The following LMAN1L variants were observed in gnomAD, a reference collection of about 807,000 sequenced individuals.
LMAN1L encodes protein ERGIC-53-like.
In LMAN1L, 60 loss-of-function variants were observed where a neutral mutation model predicts 58.3. That is an observed-to-expected ratio of 1.03 (90% CI 0.84 to 1.27). The LOEUF is 1.27. Among genes scored for constraint, LMAN1L ranks in the 50% most tolerant of loss-of-function variants. The pLI is 0.00. For missense variants in LMAN1L, 629 were observed against 674.0 expected (o/e 0.93, Z 0.74); for synonymous variants, 280 against 271.6 (o/e 1.03, Z -0.31).
intron 2 of LMAN1L, 34 bp from the exon 3 acceptor site, chr15:74,816,393 C>T (rs761878809): frequency 6.3e-7 from 1 of 1,583,472 alleles, no homozygotes; most frequent in Non-Finnish European, 8.6e-7. Flanking sequence ...GTATCCCACA[C>T]GGTTCCCTGA....
intron 11 of LMAN1L, 122 bp downstream of exon 11, chr15:74,822,831 C>A: frequency 1.4e-6 from 1 of 709,552 alleles, no homozygotes. Flanking sequence ...ATTGGAAGGG[C>A]TACTGGTGGA....
chr15:74,816,414 T>C lies in LMAN1L; in HGVS notation c.331-13T>C. The C allele has an allele frequency of 1.9e-6, 3 of 1,567,428 alleles. No individual in the cohort carries two copies. The highest frequency in any genetic ancestry group is 2.6e-6 in the Non-Finnish European group (3 of 1,153,300). On this transcript the variant is annotated splice_polypyrimidine_tract_variant and intron_variant, in intron 2 of 13. Coordinates refer to ENST00000309664, the MANE Select transcript of LMAN1L (RefSeq NM_021819.3). ...CACACGGTTCCCTGAGCTGAGGGGC[T>C]GGGGACCTGCAGGCCGTGTGGTACA...
chr15:74,821,075 G>A lies in LMAN1L; in HGVS notation c.908G>A (p.Gly303Glu), dbSNP rs774853977. 103 of 1,576,122 alleles carry A rather than the reference G, an allele frequency of 6.5e-5. No individual in the cohort carries two copies. The highest frequency in any genetic ancestry group is 8.2e-5 in the Non-Finnish European group (95 of 1,161,168). ...ATCCCAGCTCTGCCCTAATCCCCAG[G>A]GGAAAGGCTCTTTGACCTGGAGGAG... ...PKSDSEAQGE[G>E]ERLFDLEETL... Residue 303 changes from glycine (G) to glutamate (E), a missense_variant and splice_region_variant, in exon 9 of 14, where the codon GGG (glycine) becomes GAG (glutamate). By Grantham distance (98) the Gly-to-Glu change is moderately conservative. This residue lies in a region of LMAN1L where 573 missense variants were observed against 597.3 expected (regional missense o/e 0.96). Transcript: ENST00000309664.
intron 13 of LMAN1L, 124 bp from the exon 14 acceptor site, chr15:74,825,352 A>T: frequency 1.9e-6 from 2 of 1,071,956 alleles, no homozygotes; most frequent in Non-Finnish European, 2.7e-6. Context: ...GGAGCCACAG[A>T]AAGTCCAAGA....
At chr15:74,817,138 C>A (rs1183426594) in intron 4 of LMAN1L, among the ~76,000 whole-genome samples, 2 of 152,194 alleles carry the variant, frequency 1.3e-5, no homozygotes, top group Non-Finnish European at 2.9e-5. Context: ...CCCTCCCCGG[C>A]CCTACTGCCT....
At position 74,818,969 on chromosome 15, in the gene LMAN1L, C is replaced by T. The variant is rs1234040133; in HGVS notation, c.597+152C>T. On this transcript the variant is annotated intron_variant, in intron 5 of 13. Coordinates refer to ENST00000309664, the MANE Select transcript of LMAN1L (RefSeq NM_021819.3). ...CCACAGGGGATCCTCCATCCCTACACAGAATCCTAACACTCACCCAGAGCA... is the reference window on the plus strand; with the variant it reads ...CCACAGGGGATCCTCCATCCCTACATAGAATCCTAACACTCACCCAGAGCA... 3.0e-6 allele frequency: 3 copies of T among 1,004,752 alleles called. No homozygotes were observed. The South Asian group carries it at 4.7e-5, about 16-fold the overall frequency. 62.2% of individuals were successfully genotyped at this position (1,004,752 alleles called of 1,614,324 possible).
At chr15:74,816,007 G>A (rs1233786064) in intron 1 of LMAN1L, 150 bp from the exon 2 acceptor site, 2 of 997,778 alleles carry the variant, frequency 2.0e-6, no homozygotes, top group Non-Finnish European at 1.4e-6. Flanking sequence ...GCTGGGCTCT[G>A]ACTCCTGCTT....
chr15:74,821,886 A>C lies in LMAN1L; in HGVS notation c.1117A>C (p.Met373Leu). 6.2e-7 allele frequency: 1 copy of C among 1,609,328 alleles called. No homozygotes were observed. The highest frequency in any genetic ancestry group is 8.5e-7 in the Non-Finnish European group (1 of 1,175,804). ...STPGRGGHLS[M>L]SLNKDSAKVG... ...CCCAGGGAGGGGTGGCCACCTCTCC[A>C]TGTCACTCAATAAGGTAGGGACCCA... Residue 373 changes from methionine to leucine, a missense_variant, in exon 10 of 14, where the codon ATG (methionine) becomes CTG (leucine). Met to Leu is a conservative substitution (Grantham distance 15). Around this residue, in one of 3 missense-constraint regions of LMAN1L, gnomAD observed 573 missense variants for 597.3 expected, o/e 0.96. Coordinates refer to ENST00000309664, the MANE Select transcript of LMAN1L (RefSeq NM_021819.3).
chr15:74,821,981 T>C (rs11636952), intron 10 of LMAN1L, 81 bp downstream of exon 10: 555,368 of 951,812 alleles, frequency 0.58, 176,223 homozygotes, highest in Non-Finnish European at 0.69. Flanking sequence ...CAGAGAGGAC[T>C]GGGCTGGGCC....
At position 74,823,593 on chromosome 15, in the gene LMAN1L, G is replaced by A. The variant is rs373380418; in HGVS notation, c.1234G>A (p.Val412Ile). The A allele has an allele frequency of 2.5e-6, 4 of 1,613,842 alleles. No individual in the cohort carries two copies. In the African/African-American group the frequency reaches 5.3e-5, roughly 22 times the overall value. Residue 412 changes from valine to isoleucine, a missense_variant, in exon 12 of 14, where the codon GTC becomes ATC. Physicochemically the swap from Val to Ile is conservative, Grantham distance 29. Transcript: ENST00000309664. Reference protein sequence around the residue: ...AAVRMAAEAQVSYLPVGIEHH... With the variant: ...AAVRMAAEAQISYLPVGIEHH... ...TGTCCGCATGGCTGCAGAAGCCCAG[G>A]TCTCCTACCTGCCTGTGGGCATTGA...
intron 4 of LMAN1L, among the ~76,000 whole-genome samples, chr15:74,818,324 C>G (rs2063901401): frequency 6.6e-6 from 1 of 152,204 alleles, no homozygotes; most frequent in African/African-American, 2.4e-5. Flanking sequence ...GGTGGCACAG[C>G]AAATCTGGGC....
rs745454037 is a variant in LMAN1L, at chr15:74,820,060, G to A, written c.735G>A (p.Leu245=). 3 of 1,614,138 alleles carry A rather than the reference G, an allele frequency of 1.9e-6. No homozygotes were observed. In the Admixed American group the frequency reaches 5.0e-5, roughly 27 times the overall value. ...CCCTTCCAGATGATCATGATGTCCT[G>A]TCCTTCCTGACCTTCAGCCTGAGTG... ...TGTLADDHDV[L]SFLTFSLSEP... is the part of the protein sequence containing the mutation. Residue 245 remains leucine (L), a synonymous_variant, in exon 7 of 14, where the codon CTG becomes CTA. Transcript: ENST00000309664.
At position 74,821,059 on chromosome 15, in the gene LMAN1L, C is replaced by A; in HGVS notation, c.908-16C>A. On this transcript the variant is annotated splice_polypyrimidine_tract_variant and intron_variant, in intron 8 of 13. Transcript: ENST00000309664. ...CCATGGCTGGCTGCCCATCCCAGCT[C>A]TGCCCTAATCCCCAGGGGAAAGGCT... 6.4e-7 allele frequency: 1 copy of A among 1,565,026 alleles called. No homozygotes were observed. The highest frequency in any genetic ancestry group is 2.3e-5 in the East Asian group (1 of 43,344).
chr15:74,821,084 T>C lies in LMAN1L; in HGVS notation c.917T>C (p.Leu306Pro), dbSNP rs1304418252. The change falls in exon 9 of 14, where the codon CTC (leucine) becomes CCC (proline). Residue 306 changes from leucine (L) to proline (P), a missense_variant. Coordinates refer to ENST00000309664, the MANE Select transcript of LMAN1L (RefSeq NM_021819.3). ...DSEAQGEGER[L>P]FDLEETLGRH... ...CTGCCCTAATCCCCAGGGGAAAGGC[T>C]CTTTGACCTGGAGGAGACGCTGGGC... 3.8e-6 allele frequency: 6 copies of C among 1,577,170 alleles called. No homozygotes were observed. Among genetic ancestry groups the C allele is most frequent in the Non-Finnish European group, 5.2e-6 (6 of 1,161,666 alleles).
At chr15:74,814,171 C>G (rs2063878686) in intron 1 of LMAN1L, among the ~76,000 whole-genome samples, 1 of 150,478 alleles carries the variant, frequency 6.6e-6, no homozygotes, top group Non-Finnish European at 1.5e-5. Flanking sequence ...TGGCACGATT[C>G]CTAACTAAAG....
At position 74,819,178 on chromosome 15, in the gene LMAN1L, C is replaced by T. The variant is rs758595063; in HGVS notation, c.624C>T (p.Pro208=). The part of the protein sequence containing the change: ...LRMSLNSGLT[P]SDPGEFCVDV... Reference sequence around the variant, plus strand: ...TGTCCTTGAACAGTGGCCTCACTCCCAGTGATCCAGGTGAGTTCTGTGTGG... The same window carrying T: ...TGTCCTTGAACAGTGGCCTCACTCCTAGTGATCCAGGTGAGTTCTGTGTGG... Residue 208 remains proline, a synonymous_variant, in exon 6 of 14, where the codon CCC becomes CCT. Transcript: ENST00000309664. 3.7e-6 allele frequency: 6 copies of T among 1,613,694 alleles called. No individual in the cohort carries two copies. Among genetic ancestry groups the T allele is most frequent in the Non-Finnish European group, 3.4e-6 (4 of 1,179,748 alleles).
At chr15:74,814,243 G>A (rs1016852693) in intron 1 of LMAN1L, among the ~76,000 whole-genome samples, 1 of 151,470 alleles carries the variant, frequency 6.6e-6, no homozygotes, top group Non-Finnish European at 1.5e-5. Flanking sequence ...GCCCAGGCTG[G>A]AGTGCAGTGG....
intron 8 of LMAN1L, 25 bp from the exon 9 acceptor site, chr15:74,821,050 A>C (rs1474534960): frequency 6.5e-7 from 1 of 1,546,948 alleles, no homozygotes; most frequent in African/African-American, 1.4e-5. Flanking sequence ...CTGGCTGCCC[A>C]TCCCAGCTCT....
At chr15:74,825,316 G>C in intron 13 of LMAN1L, 160 bp from the exon 14 acceptor site, 1 of 720,760 alleles carries the variant, frequency 1.4e-6, no homozygotes, top group South Asian at 1.8e-5. Flanking sequence ...CAGGGGGAAA[G>C]CGTGGACCAT....
Sources: gnomAD v4.1 joint callset for allele counts (sites outside exome capture counted in the v4.1 genomes callset) on GRCh38, gnomAD v4.1.1 for gene constraint, gnomAD v4.1.1 regional missense constraint, MANE v1.5 for transcripts, NCBI Gene and HGNC (gene_info 2026-07-23, HGNC 2026-07-21) for gene names.